Variants in GLIS3 observed in about 807,000 individuals in gnomAD.
The protein encoded by GLIS3 is GLIS family zinc finger 3.
A neutral mutation model predicts 78.6 loss-of-function variants in GLIS3; 53 were observed. The ratio of observed to expected loss-of-function variants is 0.67; its 90% CI spans 0.54 to 0.85. GLIS3 has a LOEUF of 0.85. Among genes scored for constraint, GLIS3 ranks in the 40% least tolerant of loss-of-function variants. The pLI is 0.00. For synonymous variants in GLIS3, 684 were observed against 509.9 expected (o/e 1.34, Z -4.60); for missense variants, 1,703 against 1,231.1 (o/e 1.38, Z -5.74).
At chr9:3,951,819 G>C (rs1018546432) in intron 4 of GLIS3, among the ~76,000 whole-genome samples, 5 of 149,076 alleles carry the variant, frequency 3.4e-5, no homozygotes, top group African/African-American at 7.4e-5. Context: ...AAAGAGGAGA[G>C]AGAAAGAGAG....
At chr9:4,293,438 G>A (rs766620087) in intron 1 of GLIS3, among the ~76,000 whole-genome samples, 4 of 152,148 alleles carry the variant, frequency 2.6e-5, no homozygotes, top group Non-Finnish European at 5.9e-5. Context: ...ACATCACTGC[G>A]GAAGTATGAA....
chr9:4,059,237 G>T (rs1458293698), intron 4 of GLIS3, among the ~76,000 whole-genome samples: 1 of 152,218 alleles, frequency 6.6e-6, no homozygotes, highest in East Asian at 1.9e-4. Flanking sequence ...TTTATGCTAA[G>T]CTGTCAGTTT....
At chr9:4,476,169 T>A in the GLIS3 span, among the ~76,000 whole-genome samples, 6 of 152,226 alleles carry the variant, frequency 3.9e-5, no homozygotes, top group Non-Finnish European at 8.8e-5. Flanking sequence ...TGTAATCCAC[T>A]GATGAACAAA....
At chr9:4,336,772 T>C (rs1293952930) in intron 2 of GLIS3, among the ~76,000 whole-genome samples, 1 of 152,162 alleles carries the variant, frequency 6.6e-6, no homozygotes, top group Non-Finnish European at 1.5e-5. Context: ...TATATTCCTT[T>C]AGTTGGCAAG....
the GLIS3 span, among the ~76,000 whole-genome samples, chr9:4,398,681 T>TTTGTTG: frequency 0.024 from 3,637 of 151,984 alleles, 72 homozygotes; most frequent in Middle Eastern, 0.068. Flanking sequence ...CTTAAGCTCT[T>TTTGTTG]TTGTTGTTGT....
the GLIS3 span, among the ~76,000 whole-genome samples, chr9:4,466,370 T>C: frequency 0.74 from 111,908 of 152,038 alleles, 41,548 homozygotes; most frequent in Middle Eastern, 0.84. Context: ...TTCTACCCAA[T>C]ATTTTAAGGT....
At chr9:4,183,743 T>G (rs961693871) in intron 2 of GLIS3, among the ~76,000 whole-genome samples, 1 of 152,242 alleles carries the variant, frequency 6.6e-6, no homozygotes, top group Non-Finnish European at 1.5e-5. Context: ...TAGCTTTACA[T>G]GACAACTGAT....
At chr9:4,077,185 A>G (rs868326937) in intron 4 of GLIS3, among the ~76,000 whole-genome samples, 7 of 152,240 alleles carry the variant, frequency 4.6e-5, no homozygotes, top group Non-Finnish European at 1.0e-4. Flanking sequence ...TTTTAAAAAA[A>G]TTGTCAGCAA....
rs577137657 is a variant in GLIS3, at chr9:3,897,039, A to G, written c.2128+1652T>C. On this transcript the variant is annotated intron_variant, in intron 7 of 10. Transcript: ENST00000381971. ...AAGCTTTAAAAACACTACCAGACATATAAAAACAGACACCAAGACAAATGT... is the reference window on the plus strand; with the variant it reads ...AAGCTTTAAAAACACTACCAGACATGTAAAAACAGACACCAAGACAAATGT... Among the ~76,000 whole-genome samples, 4 of 152,378 alleles carry G rather than the reference A, an allele frequency of 2.6e-5. No individual in the cohort carries two copies. In the South Asian group the frequency reaches 8.3e-4, roughly 32 times the overall value.
intron 9 of GLIS3, 107 bp from the exon 10 acceptor site, chr9:3,829,599 C>A (rs967715355): frequency 1.5e-5 from 17 of 1,106,676 alleles, no homozygotes; most frequent in Non-Finnish European, 2.0e-5. Context: ...AAGACAAATG[C>A]CTTTAACTCT....
chr9:3,889,068 A>G (rs1169539962), intron 7 of GLIS3, among the ~76,000 whole-genome samples: 2 of 152,170 alleles, frequency 1.3e-5, no homozygotes, highest in Non-Finnish European at 2.9e-5. Flanking sequence ...AACCCTTGAT[A>G]TTCAAGAATT....
At chr9:3,920,615 T>TG (rs1223070140) in intron 6 of GLIS3, among the ~76,000 whole-genome samples, 24 of 151,200 alleles carry the variant, frequency 1.6e-4, no homozygotes, top group Non-Finnish European at 2.8e-4. Context: ...ACAGGTTTTT[T>TG]TTTTTTTTTT....
chr9:4,414,740 G>A, the GLIS3 span, among the ~76,000 whole-genome samples: 1 of 152,062 alleles, frequency 6.6e-6, no homozygotes, highest in Admixed American at 6.5e-5. Context: ...CTGCTAAATT[G>A]TTTTAGCCAG....
intron 2 of GLIS3, among the ~76,000 whole-genome samples, chr9:4,342,282 G>C (rs547293338): frequency 6.6e-6 from 1 of 152,294 alleles, no homozygotes; most frequent in Admixed American, 6.5e-5. Flanking sequence ...ATGAAAGGAA[G>C]GGATCCAGGT....
At chr9:4,109,839 T>A (rs989838064) in intron 4 of GLIS3, among the ~76,000 whole-genome samples, 2 of 152,196 alleles carry the variant, frequency 1.3e-5, no homozygotes, top group Admixed American at 1.3e-4. Context: ...CTATTTCATA[T>A]GGTGCTGTGC....
upstream of GLIS3, among the ~76,000 whole-genome samples, chr9:4,352,349 G>C (rs1817982840): frequency 6.6e-6 from 1 of 152,356 alleles, no homozygotes; most frequent in East Asian, 1.9e-4. Context: ...TGAGCCCTTT[G>C]TGTAGAGTCC....
rs117202628 is a variant in GLIS3 at position 4,312,882 on chromosome 9, A to G, written n.265-2354T>C. ...TGCTTACTCAGGCCAGGCATGTTAC[A>G]TATATTAGTTCATTTAATCCTCACA... On this transcript the variant is annotated intron_variant and non_coding_transcript_variant, in intron 2 of 4. Coordinates refer to the GLIS3 transcript ENST00000471664. Among the ~76,000 whole-genome samples, 883 of 152,324 alleles carry G rather than the reference A, an allele frequency of 5.8e-3. 4 individuals carry two copies. Among genetic ancestry groups the G allele is most frequent in the Middle Eastern group, 0.014 (4 of 294 alleles).
intron 9 of GLIS3, among the ~76,000 whole-genome samples, chr9:3,853,024 C>T (rs1819532444): frequency 6.6e-6 from 1 of 152,112 alleles, no homozygotes; most frequent in Non-Finnish European, 1.5e-5. Flanking sequence ...GCCTGGGCAA[C>T]ATAGTGAGAC....
rs1465156300 is a variant in GLIS3, at chr9:4,333,240, G to GGGGAAGGAAAGGAAAAA, written n.264+13840_264+13841insTTTTTCCTTTCCTTCCC. Among the ~76,000 whole-genome samples, 3 of 150,008 alleles carry GGGGAAGGAAAGGAAAAA rather than the reference G, an allele frequency of 2.0e-5. No homozygotes were observed. The East Asian group carries it at 5.8e-4, about 29-fold the overall frequency. On this transcript the variant is annotated intron_variant and non_coding_transcript_variant, in intron 2 of 4. Coordinates refer to the GLIS3 transcript ENST00000471664. ...AAAAGGGAAGGGAAGGAAAAGTGGA[G>GGGGAAGGAAAGGAAAAA]GGGAAGGAAAGGAAAGAAAAATGGG...
Sources: allele counts gnomAD v4.1 joint callset (sites outside exome capture counted in the v4.1 genomes callset), GRCh38; gene constraint gnomAD v4.1.1; transcripts MANE v1.5; gene names NCBI Gene and HGNC (gene_info 2026-07-23, HGNC 2026-07-21).